Variants in NCKAP5 observed in about 807,000 individuals in gnomAD.
NCKAP5 encodes NCK associated protein 5.
A neutral mutation model predicts 167.0 loss-of-function variants in NCKAP5; 92 were observed. The ratio of observed to expected loss-of-function variants is 0.55; its 90% CI spans 0.47 to 0.66. NCKAP5 has a LOEUF of 0.66. Among genes scored for constraint, NCKAP5 ranks in the 30% least tolerant of loss-of-function variants. The probability of loss-of-function intolerance (pLI) is 0.00; values close to 1 mark genes in which losing one functional copy is unlikely to be tolerated. For missense variants in NCKAP5, 2,378 were observed against 2,315.0 expected, an observed-to-expected ratio of 1.03 and a Z score of -0.56; for synonymous variants, 891 against 877.4, an observed-to-expected ratio of 1.02 and a Z score of -0.27.
At chr2:133,494,246 C>T (rs1451929516) in intron 3 of NCKAP5, among the ~76,000 whole-genome samples, 1 of 152,176 alleles carries the variant, frequency 6.6e-6, no homozygotes. Context: ...ACCATACAGG[C>T]TTACCAACAA....
intron 3 of NCKAP5, among the ~76,000 whole-genome samples, chr2:133,411,193 G>T (rs974955280): frequency 1.3e-5 from 2 of 152,168 alleles, no homozygotes; most frequent in Non-Finnish European, 2.9e-5. Flanking sequence ...CAAAGTTTTT[G>T]TTCCTTGCCC....
intron 3 of NCKAP5, among the ~76,000 whole-genome samples, chr2:133,419,599 C>T (rs1223564377): frequency 6.6e-6 from 1 of 152,154 alleles, no homozygotes; most frequent in African/African-American, 2.4e-5. Flanking sequence ...TTACCACTCC[C>T]TAACGTCTCC....
intron 6 of NCKAP5, among the ~76,000 whole-genome samples, chr2:133,125,772 T>G (rs2082384743): frequency 6.6e-6 from 1 of 152,230 alleles, no homozygotes; most frequent in Non-Finnish European, 1.5e-5. Context: ...TTGTTATGCC[T>G]GTCTGAATCA....
At chr2:133,627,958 T>C in the NCKAP5 span, among the ~76,000 whole-genome samples, 1 of 152,104 alleles carries the variant, frequency 6.6e-6, no homozygotes, top group Non-Finnish European at 1.5e-5. Flanking sequence ...TTGAGAAATG[T>C]GACATGAGCA....
At chr2:133,400,166 C>G (rs988228362) in intron 3 of NCKAP5, among the ~76,000 whole-genome samples, 2 of 152,056 alleles carry the variant, frequency 1.3e-5, no homozygotes, top group African/African-American at 4.8e-5. Context: ...AAAATAGTTT[C>G]AGTTAATGAG....
chr2:133,274,594 G>A lies in NCKAP5; in HGVS notation c.143+28443C>T, dbSNP rs554306420. The stretch of plus-strand genomic sequence containing the variant: ...TGAAACCTCTAACATTCCAAAAAGG[G>A]TCAGGTACCTTACTATAAAACAATG... On this transcript the variant is annotated intron_variant, in intron 4 of 19. Transcript: ENST00000409261. Among the ~76,000 whole-genome samples the A allele has an allele frequency of 7.2e-5, 11 of 152,004 alleles. No homozygotes were observed. In the South Asian group the frequency reaches 2.3e-3, roughly 32 times the overall value.
chr2:133,092,440 C>A (rs112721749), intron 6 of NCKAP5, among the ~76,000 whole-genome samples: 4 of 152,278 alleles, frequency 2.6e-5, no homozygotes, highest in African/African-American at 7.2e-5. Flanking sequence ...GCCCTGCCAG[C>A]ACCTTGATTG....
chr2:132,689,567 G>C (rs189734658), intron 19 of NCKAP5, among the ~76,000 whole-genome samples: 17 of 152,274 alleles, frequency 1.1e-4, no homozygotes, highest in Non-Finnish European at 2.2e-4. Flanking sequence ...CATTGCTTCA[G>C]TGCAGACATG....
Position 133,132,272 on chromosome 2 carries a change from G to A in NCKAP5, c.208-2161C>T, listed in dbSNP as rs1011663323. On this transcript the variant is annotated intron_variant, in intron 5 of 19. Transcript: ENST00000409261. ...ACTGCAATCCAGCATGGGTGACAGA[G>A]CGAGACTCCATCTCAAAAAAAAAAA... Among the ~76,000 whole-genome samples, 121 of 145,644 alleles carry A rather than the reference G, an allele frequency of 8.3e-4. 1 individual carries two copies. The highest frequency in any genetic ancestry group is 2.8e-3 in the African/African-American group (111 of 39,074).
At chr2:132,712,390 T>C (rs552384873) in intron 19 of NCKAP5, among the ~76,000 whole-genome samples, 1 of 152,128 alleles carries the variant, frequency 6.6e-6, no homozygotes, top group Admixed American at 6.5e-5. Flanking sequence ...GGTGGCTCAC[T>C]CCTGTAATCC....
rs996504449 is a variant in NCKAP5, at chr2:133,247,174, A to G, written c.144-33395T>C. Among the ~76,000 whole-genome samples the G allele has an allele frequency of 9.1e-4, 138 of 152,306 alleles. 1 individual carries two copies. The highest frequency in any genetic ancestry group is 3.1e-3 in the African/African-American group (127 of 41,574). ...AGCCCTGCTTAAAAAGAATCAAATA[A>G]CTGGCAATTTGGGGCAGAACTGTGA... On this transcript the variant is annotated intron_variant, in intron 4 of 19. Coordinates refer to ENST00000409261, the MANE Select transcript of NCKAP5 (RefSeq NM_207363.3).
At chr2:133,576,313 A>G in the NCKAP5 span, among the ~76,000 whole-genome samples, 1 of 152,242 alleles carries the variant, frequency 6.6e-6, no homozygotes, top group South Asian at 2.1e-4. Flanking sequence ...ATCACTTAAT[A>G]GTGGTGAAAA....
chr2:133,305,121 G>A (rs1205493775), intron 3 of NCKAP5, among the ~76,000 whole-genome samples: 1 of 152,194 alleles, frequency 6.6e-6, no homozygotes, highest in African/African-American at 2.4e-5. Context: ...GGGATACTGG[G>A]TCTAAAATGA....
chr2:133,219,207 A>C (rs1490519079), intron 4 of NCKAP5, among the ~76,000 whole-genome samples: 1 of 152,222 alleles, frequency 6.6e-6, no homozygotes, highest in Non-Finnish European at 1.5e-5. Flanking sequence ...GGAAAATTTC[A>C]GAGTAGTGTA....
intron 3 of NCKAP5, among the ~76,000 whole-genome samples, chr2:133,505,456 C>T (rs944794397): frequency 5.3e-5 from 8 of 152,180 alleles, no homozygotes; most frequent in African/African-American, 1.9e-4. Context: ...AAGCTGCCAT[C>T]TGGAACGGCC....
At chr2:133,136,731 A>G (rs2082799875) in intron 5 of NCKAP5, among the ~76,000 whole-genome samples, 1 of 152,200 alleles carries the variant, frequency 6.6e-6, no homozygotes, top group South Asian at 2.1e-4. Flanking sequence ...GGACAAAGGG[A>G]TTCAATGATA....
intron 8 of NCKAP5, among the ~76,000 whole-genome samples, chr2:132,957,540 C>T (rs1030075184): frequency 1.3e-5 from 2 of 151,108 alleles, no homozygotes; most frequent in African/African-American, 4.9e-5. Flanking sequence ...AAAAAATATC[C>T]CCAAATGAAA....
At chr2:132,719,684 G>A (rs528672004) in intron 19 of NCKAP5, among the ~76,000 whole-genome samples, 1 of 152,324 alleles carries the variant, frequency 6.6e-6, no homozygotes, top group East Asian at 1.9e-4. Context: ...GGCCAAGGCC[G>A]AGGCAGTGCT....
chr2:132,786,236 G>C (rs1026506904), intron 13 of NCKAP5, among the ~76,000 whole-genome samples: 1 of 152,208 alleles, frequency 6.6e-6, no homozygotes, highest in Admixed American at 6.5e-5. Context: ...AAGTCAGAAA[G>C]TACATTCAAG....
Sources: gnomAD v4.1 joint callset for allele counts (sites outside exome capture counted in the v4.1 genomes callset) on GRCh38, gnomAD v4.1.1 for gene constraint, MANE v1.5 for transcripts, NCBI Gene and HGNC (gene_info 2026-07-23, HGNC 2026-07-21) for gene names.